The following FOXN3 variants were observed in gnomAD, a reference collection of about 807,000 sequenced individuals.
FOXN3 encodes forkhead box N3, also known as forkhead box protein N3.
In FOXN3, 7 loss-of-function variants were observed where a neutral mutation model predicts 38.4. The ratio of observed to expected loss-of-function variants is 0.18; its 90% confidence interval spans 0.10 to 0.34. The LOEUF is 0.34. Among genes scored for constraint, FOXN3 ranks in the 10% least tolerant of loss-of-function variants. The pLI is 1.00. For missense variants in FOXN3, 456 were observed against 613.4 expected (o/e 0.74, Z 2.71); for synonymous variants, 230 against 242.2 (o/e 0.95, Z 0.47).
chr14:89,171,210 C>T (rs548817403), intron 5 of FOXN3, among the ~76,000 whole-genome samples: 1 of 152,008 alleles, frequency 6.6e-6, no homozygotes, highest in South Asian at 2.1e-4. Flanking sequence ...AAAGAAAAAC[C>T]CCTAGAGTTG....
chr14:89,483,915 G>A (rs562243524), intron 1 of FOXN3, among the ~76,000 whole-genome samples: 1 of 152,220 alleles, frequency 6.6e-6, no homozygotes, highest in African/African-American at 2.4e-5. Flanking sequence ...ATATTTATTT[G>A]GTTTAAAATA....
chr14:89,325,333 A>C, intron 3 of FOXN3, among the ~76,000 whole-genome samples: 2 of 124,026 alleles, frequency 1.6e-5, no homozygotes, highest in African/African-American at 3.6e-5. Context: ...CACCACCACC[A>C]CCACCACCAC....
chr14:89,175,260 T>TA (rs1887491934), intron 5 of FOXN3, among the ~76,000 whole-genome samples: 1 of 152,220 alleles, frequency 6.6e-6, no homozygotes, highest in Non-Finnish European at 1.5e-5. Context: ...TAAGCAGCCT[T>TA]AGACGGTGAT....
intron 1 of FOXN3, among the ~76,000 whole-genome samples, chr14:89,563,495 AC>A (rs1304983542): frequency 6.6e-6 from 1 of 152,208 alleles, no homozygotes; most frequent in African/African-American, 2.4e-5. Context: ...TGAGAGCCAA[AC>A]AAGATACAGA....
At chr14:89,492,443 C>G (rs1457679309) in intron 1 of FOXN3, among the ~76,000 whole-genome samples, 1 of 149,916 alleles carries the variant, frequency 6.7e-6, no homozygotes, top group East Asian at 2.0e-4. Context: ...TCGGTATGAG[C>G]CACCATTAAA....
intron 1 of FOXN3, among the ~76,000 whole-genome samples, chr14:89,508,985 G>A (rs1376472421): frequency 6.6e-6 from 1 of 152,082 alleles, no homozygotes; most frequent in African/African-American, 2.4e-5. Flanking sequence ...CACCTCCCTG[G>A]ACACCCTCCC....
intron 4 of FOXN3, among the ~76,000 whole-genome samples, chr14:89,266,861 A>G (rs574622371): frequency 6.6e-6 from 1 of 152,222 alleles, no homozygotes; most frequent in South Asian, 2.1e-4. Context: ...CCCTAAAACA[A>G]AAGAGACGCC....
intron 4 of FOXN3, among the ~76,000 whole-genome samples, chr14:89,236,732 T>C (rs534171477): frequency 6.6e-6 from 1 of 152,328 alleles, no homozygotes; most frequent in Non-Finnish European, 1.5e-5. Flanking sequence ...CCCCAAAGAT[T>C]AAAAATGCTC....
intron 1 of FOXN3, among the ~76,000 whole-genome samples, chr14:89,524,053 G>A (rs1214829171): frequency 4.8e-5 from 7 of 146,806 alleles, no homozygotes; most frequent in Middle Eastern, 3.2e-3. Flanking sequence ...GAGCCACCAC[G>A]CCTAGCCAAA....
chr14:89,329,339 C>T (rs1192030562), intron 3 of FOXN3, among the ~76,000 whole-genome samples: 1 of 152,140 alleles, frequency 6.6e-6, no homozygotes, highest in African/African-American at 2.4e-5. Context: ...GGAAAAAGTC[C>T]TCAACATTTA....
intron 4 of FOXN3, among the ~76,000 whole-genome samples, chr14:89,193,628 T>C (rs920831355): frequency 6.6e-6 from 1 of 152,124 alleles, no homozygotes. Flanking sequence ...AATACCGCAA[T>C]CCATTCACCG....
At chr14:89,609,775 G>A (rs1896353191) in intron 1 of FOXN3, among the ~76,000 whole-genome samples, 1 of 152,126 alleles carries the variant, frequency 6.6e-6, no homozygotes, top group South Asian at 2.1e-4. Flanking sequence ...AAGGTCACTC[G>A]TAGTTTTTTT....
chr14:89,425,554 C>G (rs762161184), intron 1 of FOXN3, among the ~76,000 whole-genome samples: 1 of 148,434 alleles, frequency 6.7e-6, no homozygotes, highest in Non-Finnish European at 1.5e-5. Flanking sequence ...TTAATAGACA[C>G]GGGGTTGAGC....
chr14:89,310,050 C>T (rs1887486704), intron 3 of FOXN3, among the ~76,000 whole-genome samples: 2 of 152,200 alleles, frequency 1.3e-5, no homozygotes, highest in Non-Finnish European at 1.5e-5. Context: ...TCCTGGCCAG[C>T]GAGCACCCAT....
intron 3 of FOXN3, among the ~76,000 whole-genome samples, chr14:89,313,202 CACAA>C (rs1297097413): frequency 6.6e-6 from 1 of 152,148 alleles, no homozygotes; most frequent in Non-Finnish European, 1.5e-5. Flanking sequence ...AATGTCCAGC[CACAA>C]ACAGATGAAT....
rs1179768153 is a variant in FOXN3, at chr14:89,412,670, T to C, written c.-14-180A>G. Reference sequence around the variant, plus strand: ...ATCCCACAATTCCACCACAGAGAGATAGGCTGATGAGAAAAATCAGCCCGC... The same window carrying C: ...ATCCCACAATTCCACCACAGAGAGACAGGCTGATGAGAAAAATCAGCCCGC... On this transcript the variant is annotated intron_variant, in intron 1 of 5. Coordinates refer to ENST00000557258, the MANE Select transcript of FOXN3 (RefSeq NM_005197.4). This position sits in a 1 kb window ranked among gnomAD's most constrained non-coding sequence, Gnocchi z 4.7. Among the ~76,000 whole-genome samples, 3 of 151,930 alleles carry C rather than the reference T, an allele frequency of 2.0e-5. No homozygotes were observed. The highest frequency in any genetic ancestry group is 4.2e-4 in the South Asian group (2 of 4,788).
In FOXN3 at chr14:89,162,198, T is replaced by C; in HGVS notation, c.*216A>G. On this transcript the variant is annotated 3_prime_UTR_variant, in exon 6 of 6. Transcript: ENST00000557258. The surrounding 1 kb of genome is among the most constrained non-coding windows in gnomAD (Gnocchi z 7.2). ...CAGCTGAGTGTCAATATGAGTTCTA[T>C]GGCTTCAATCTCCTTTAAAAATAAA... 8 of 432,880 alleles carry C rather than the reference T, an allele frequency of 1.8e-5. No homozygotes were observed. The highest frequency in any genetic ancestry group is 7.5e-5 in the East Asian group (2 of 26,764). 26.8% of individuals were successfully genotyped at this position (432,880 alleles called of 1,614,324 possible).
chr14:89,324,486 A>G (rs1342283725), intron 3 of FOXN3, among the ~76,000 whole-genome samples: 21 of 129,604 alleles, frequency 1.6e-4, no homozygotes, highest in Non-Finnish European at 2.5e-4. Context: ...GTGTGTGTGT[A>G]TGTACCCACA....
At chr14:89,616,735 C>T (rs1422888698) in intron 1 of FOXN3, among the ~76,000 whole-genome samples, 1 of 152,170 alleles carries the variant, frequency 6.6e-6, no homozygotes, top group Non-Finnish European at 1.5e-5. Context: ...AGTTTGATCC[C>T]ACAATTAAGT....
Sources: gnomAD v4.1 joint callset for allele counts (sites outside exome capture counted in the v4.1 genomes callset) on GRCh38, gnomAD v4.1.1 for gene constraint, Gnocchi (gnomAD v3.1) non-coding constraint, MANE v1.5 for transcripts, NCBI Gene and HGNC (gene_info 2026-07-23, HGNC 2026-07-21) for gene names.